The following ANKH variants were observed in gnomAD, a reference collection of about 807,000 sequenced individuals.
ANKH encodes the protein mineralization regulator ANKH.
ANKH carries 15 observed loss-of-function variants against 49.0 expected under a neutral mutation model. The ratio of observed to expected loss-of-function variants is 0.31; its 90% CI spans 0.20 to 0.47. ANKH has a LOEUF of 0.47. ANKH is among the 20% of genes least tolerant of loss of function. The pLI is 1.00. For synonymous variants in ANKH, 273 were observed against 260.0 expected, an observed-to-expected ratio of 1.05 and a Z score of -0.48; for missense variants, 429 against 652.0, an observed-to-expected ratio of 0.66 and a Z score of 3.72.
At chr5:14,779,000 T>A (rs1303091978) in intron 1 of ANKH, among the ~76,000 whole-genome samples, 1 of 152,220 alleles carries the variant, frequency 6.6e-6, no homozygotes, top group African/African-American at 2.4e-5. Context: ...GATGCATTCC[T>A]TCTTACTCAG....
At chr5:14,757,428 A>C (rs947279893) in intron 3 of ANKH, among the ~76,000 whole-genome samples, 1 of 128,126 alleles carries the variant, frequency 7.8e-6, no homozygotes, top group Non-Finnish European at 1.6e-5. Context: ...ATATATATAT[A>C]TATTTTTTTT....
At chr5:14,870,683 G>A (rs1318455979) in intron 1 of ANKH, 1 of 155,392 alleles carries the variant, frequency 6.4e-6, no homozygotes, top group East Asian at 1.9e-4. Context: ...ACGCCACATG[G>A]AGAAAACGTG....
At chr5:14,814,132 T>C (rs1203702931) in intron 1 of ANKH, among the ~76,000 whole-genome samples, 1 of 152,228 alleles carries the variant, frequency 6.6e-6, no homozygotes, top group Non-Finnish European at 1.5e-5. Context: ...CCTTTCCCAA[T>C]GTTTTCATAG....
At chr5:14,779,878 C>G (rs1739752261) in intron 1 of ANKH, among the ~76,000 whole-genome samples, 1 of 152,140 alleles carries the variant, frequency 6.6e-6, no homozygotes, top group South Asian at 2.1e-4. Context: ...CAGAATGCAG[C>G]AATGGGACAC....
chr5:14,805,660 C>A (rs1486904425), intron 1 of ANKH, among the ~76,000 whole-genome samples: 2 of 151,730 alleles, frequency 1.3e-5, no homozygotes, highest in Non-Finnish European at 2.9e-5. Context: ...TTGTTGTTGT[C>A]CACAGACCCA....
At chr5:14,797,515 T>C (rs31988) in intron 1 of ANKH, 788,600 of 1,611,042 alleles carry the variant, frequency 0.49, 197,244 homozygotes, top group East Asian at 0.79. Context: ...GCAACAGTCT[T>C]GTCAGCTGAT....
chr5:14,836,612 T>C (rs1363962489), intron 1 of ANKH, among the ~76,000 whole-genome samples: 1 of 151,986 alleles, frequency 6.6e-6, no homozygotes, highest in Non-Finnish European at 1.5e-5. Context: ...CTCAACAAAA[T>C]AAAAGAGGAC....
chr5:14,762,472 T>C (rs1309538179), intron 2 of ANKH, among the ~76,000 whole-genome samples: 1 of 152,184 alleles, frequency 6.6e-6, no homozygotes, highest in African/African-American at 2.4e-5. Context: ...CTTTGCTTCT[T>C]TTAACTTCTT....
At chr5:14,841,815 A>G (rs1455690755) in intron 1 of ANKH, among the ~76,000 whole-genome samples, 1 of 152,274 alleles carries the variant, frequency 6.6e-6, no homozygotes, top group African/African-American at 2.4e-5. Context: ...AGTACCACAT[A>G]TGAATAAAAT....
At chr5:14,785,394 T>C (rs1739940539) in intron 1 of ANKH, among the ~76,000 whole-genome samples, 1 of 152,092 alleles carries the variant, frequency 6.6e-6, no homozygotes, top group Non-Finnish European at 1.5e-5. Context: ...GATCTGATTG[T>C]TTAAAAGTCT....
At chr5:14,870,767 A>AAAAAG (rs1561092672) in intron 1 of ANKH, 3 of 159,480 alleles carry the variant, frequency 1.9e-5, no homozygotes, top group Non-Finnish European at 2.7e-5. Context: ...TGAAAAAAAA[A>AAAAAG]AAAGAAAGAA....
At chr5:14,783,327 C>G (rs945544394) in intron 1 of ANKH, among the ~76,000 whole-genome samples, 1 of 138,810 alleles carries the variant, frequency 7.2e-6, no homozygotes, top group Admixed American at 7.4e-5. Flanking sequence ...CACACACACA[C>G]ACACCACACA....
intron 1 of ANKH, among the ~76,000 whole-genome samples, chr5:14,829,099 G>A (rs550148626): frequency 3.4e-5 from 5 of 148,524 alleles, no homozygotes; most frequent in East Asian, 2.0e-4. Flanking sequence ...CAGTAGAATC[G>A]CTTGAACCTG....
chr5:14,797,798 G>A (rs1740436395), intron 1 of ANKH: 1 of 1,611,082 alleles, frequency 6.2e-7, no homozygotes. Flanking sequence ...ACAGGCAGAT[G>A]GTGTGGTCAT....
chr5:14,735,344 T>C (rs1738141519), intron 8 of ANKH, among the ~76,000 whole-genome samples: 1 of 152,110 alleles, frequency 6.6e-6, no homozygotes, highest in Admixed American at 6.5e-5. Flanking sequence ...ATGGAGAATC[T>C]GGAAATAAAA....
rs1337481150 is a variant in ANKH at position 14,707,749 on chromosome 5, T to G, written c.*3448A>C. The G allele has an allele frequency of 6.6e-6, 1 of 152,222 alleles. No homozygotes were observed. The highest frequency in any genetic ancestry group is 1.9e-4 in the East Asian group (1 of 5,196). The allele number at this position is 152,222 out of a possible 1,614,324, so 9.4% of individuals were successfully genotyped here. A position where few individuals can be genotyped will look rare whatever the true frequency, so the allele number is the denominator to read the frequency against. ...AGAAGCTTTATTTGGCCCCATCTGA[T>G]ACATCCTAAGCCAATATTAAATGTT... On this transcript the variant is annotated 3_prime_UTR_variant, in exon 12 of 12. Transcript: ENST00000284268.
At chr5:14,826,704 G>A (rs1456702927) in intron 1 of ANKH, among the ~76,000 whole-genome samples, 3 of 152,202 alleles carry the variant, frequency 2.0e-5, no homozygotes, top group Non-Finnish European at 2.9e-5. Context: ...GAATTTGACT[G>A]TTGCATGCCA....
chr5:14,762,054 C>T (rs28722100), intron 2 of ANKH, among the ~76,000 whole-genome samples: 75,247 of 151,864 alleles, frequency 0.5, 19,685 homozygotes, highest in Non-Finnish European at 0.57. Flanking sequence ...CGTTAGTCAC[C>T]GCACCCAGCC....
At chr5:14,782,981 TTCCA>T (rs1739856389) in intron 1 of ANKH, among the ~76,000 whole-genome samples, 1 of 152,170 alleles carries the variant, frequency 6.6e-6, no homozygotes, top group Non-Finnish European at 1.5e-5. Context: ...TCTTTAACTC[TTCCA>T]AAGTTTTCTT....
Sources: gnomAD v4.1 joint callset for allele counts (sites outside exome capture counted in the v4.1 genomes callset) on GRCh38, gnomAD v4.1.1 for gene constraint, MANE v1.5 for transcripts, NCBI Gene and HGNC (gene_info 2026-07-23, HGNC 2026-07-21) for gene names.